PRKCB: variants seen among roughly 807,000 people sequenced by gnomAD.
PRKCB encodes the protein protein kinase C beta type.
PRKCB carries 13 observed loss-of-function variants against 81.5 expected under a neutral mutation model. That is an observed-to-expected ratio of 0.16 (90% CI 0.10 to 0.25). The LOEUF (loss-of-function observed/expected upper bound fraction) is 0.25, where lower values mean the gene tolerates loss of function less well. Among genes scored for constraint, PRKCB ranks in the 10% least tolerant of loss-of-function variants. The pLI is 1.00. For synonymous variants in PRKCB, 335 were observed against 321.4 expected (o/e 1.04, Z -0.45); for missense variants, 509 against 875.7 (o/e 0.58, Z 5.29).
At chr16:24,076,889 T>G (rs1256902494) in intron 5 of PRKCB, among the ~76,000 whole-genome samples, 1 of 152,130 alleles carries the variant, frequency 6.6e-6, no homozygotes, top group Non-Finnish European at 1.5e-5. Flanking sequence ...TTATAGATGG[T>G]CATCGGATTT....
chr16:24,148,062 C>G (rs1967021593), intron 9 of PRKCB, among the ~76,000 whole-genome samples: 2 of 152,144 alleles, frequency 1.3e-5, no homozygotes, highest in African/African-American at 2.4e-5. Context: ...AGATGGGAGT[C>G]AGCATCTGCA....
intron 5 of PRKCB, among the ~76,000 whole-genome samples, chr16:24,075,117 CAAA>C (rs35609342): frequency 5.5e-5 from 6 of 109,440 alleles, no homozygotes; most frequent in Admixed American, 9.1e-5. Context: ...GACCCTATCT[CAAA>C]AAAAAAAAAA....
At chr16:23,877,119 TG>T (rs1167226169) in intron 2 of PRKCB, among the ~76,000 whole-genome samples, 1 of 151,938 alleles carries the variant, frequency 6.6e-6, no homozygotes, top group Non-Finnish European at 1.5e-5. Context: ...ACACCAGAGA[TG>T]GGGTGAATAA....
At chr16:23,959,465 G>A (rs546537776) in intron 2 of PRKCB, among the ~76,000 whole-genome samples, 9 of 152,314 alleles carry the variant, frequency 5.9e-5, no homozygotes, top group Admixed American at 2.0e-4. Context: ...GTGAATGTAC[G>A]GTTGCTGCTT....
chr16:24,021,046 C>A (rs1371980424), intron 3 of PRKCB, among the ~76,000 whole-genome samples: 4 of 82,892 alleles, frequency 4.8e-5, no homozygotes, highest in African/African-American at 2.5e-4. Flanking sequence ...CTTTCTCTTT[C>A]TTTCTTTCTT....
chr16:24,194,130 C>G (rs919765724), intron 16 of PRKCB, among the ~76,000 whole-genome samples: 1 of 152,134 alleles, frequency 6.6e-6, no homozygotes, highest in East Asian at 1.9e-4. Flanking sequence ...AGTTCGAGAC[C>G]AGCCTGGCCA....
Position 24,112,663 on chromosome 16 carries a change from G to A in PRKCB, c.822-310G>A, listed in dbSNP as rs948566249. Among the ~76,000 whole-genome samples, 5 of 152,152 alleles carry A rather than the reference G, an allele frequency of 3.3e-5. 1 individual carries two copies. The highest frequency in any genetic ancestry group is 6.5e-5 in the Admixed American group (1 of 15,272). On this transcript the variant is annotated intron_variant, in intron 7 of 16. Transcript: ENST00000643927. ...AGGTAAAAATATACAGTAATTTAACGATATAACTAAGAAAACTGTGTAAGT... is the reference window on the plus strand; with the variant it reads ...AGGTAAAAATATACAGTAATTTAACAATATAACTAAGAAAACTGTGTAAGT...
intron 16 of PRKCB, among the ~76,000 whole-genome samples, chr16:24,211,853 C>T (rs1359529387): frequency 6.6e-6 from 1 of 152,152 alleles, no homozygotes; most frequent in East Asian, 1.9e-4. Flanking sequence ...AGCCACCGCG[C>T]CCGGCCCCAG....
At chr16:24,059,667 G>A (rs1053227669) in intron 5 of PRKCB, among the ~76,000 whole-genome samples, 2 of 151,894 alleles carry the variant, frequency 1.3e-5, no homozygotes, top group African/African-American at 2.4e-5. Flanking sequence ...ACCCTATCTC[G>A]AATAATAATT....
At chr16:24,022,290 G>C (rs930311863) in intron 3 of PRKCB, among the ~76,000 whole-genome samples, 65 of 152,014 alleles carry the variant, frequency 4.3e-4, no homozygotes, top group Non-Finnish European at 2.1e-4. Flanking sequence ...AATTCCTACA[G>C]GGTCCAGGCA....
chr16:23,858,384 G>T (rs1219242637), intron 2 of PRKCB, among the ~76,000 whole-genome samples: 1 of 152,178 alleles, frequency 6.6e-6, no homozygotes, highest in Non-Finnish European at 1.5e-5. Context: ...CCGTAAGAGT[G>T]TGGCAGAATG....
At chr16:24,125,900 G>A (rs867230007) in intron 9 of PRKCB, among the ~76,000 whole-genome samples, 12 of 152,200 alleles carry the variant, frequency 7.9e-5, no homozygotes, top group Non-Finnish European at 1.8e-4. Flanking sequence ...AGTCCCTAAG[G>A]TTGGGAATAG....
At chr16:23,992,716 A>C (rs1199931242) in intron 3 of PRKCB, among the ~76,000 whole-genome samples, 1 of 152,212 alleles carries the variant, frequency 6.6e-6, no homozygotes, top group Non-Finnish European at 1.5e-5. Context: ...AATTAAATGC[A>C]CAACCTCATC....
At chr16:24,093,059 C>A in intron 6 of PRKCB, 112 bp downstream of exon 6, 2 of 1,161,744 alleles carry the variant, frequency 1.7e-6, no homozygotes, top group Non-Finnish European at 2.4e-6. Flanking sequence ...CCCTACCTCC[C>A]TCCTTTTCTG....
intron 10 of PRKCB, among the ~76,000 whole-genome samples, chr16:24,155,194 C>A (rs1258508531): frequency 6.6e-6 from 1 of 152,158 alleles, no homozygotes; most frequent in Non-Finnish European, 1.5e-5. Context: ...TTCCATTCAG[C>A]CCTCTAGACC....
chr16:24,033,039 G>A (rs1965568531), intron 4 of PRKCB, among the ~76,000 whole-genome samples: 1 of 152,200 alleles, frequency 6.6e-6, no homozygotes, highest in Admixed American at 6.5e-5. Flanking sequence ...AAAGGCAGGT[G>A]GGGTAGGACT....
intron 9 of PRKCB, among the ~76,000 whole-genome samples, chr16:24,139,866 C>T (rs1966882886): frequency 6.6e-6 from 1 of 152,178 alleles, no homozygotes; most frequent in Non-Finnish European, 1.5e-5. Flanking sequence ...TTTCATCTGG[C>T]CAACGTGAAG....
At chr16:23,882,025 C>CTTTCTTTCTTTCTTTCTTT (rs1597226197) in intron 2 of PRKCB, among the ~76,000 whole-genome samples, 3 of 18,328 alleles carry the variant, frequency 1.6e-4, no homozygotes, top group African/African-American at 4.4e-4. Context: ...TTTCTTTCTT[C>CTTTCTTTCTTTCTTTCTTT]CTTCCTTCCT....
chr16:24,205,370 G>GTCTCAAACTCCTGA (rs1319406744), intron 16 of PRKCB, among the ~76,000 whole-genome samples: 2 of 151,650 alleles, frequency 1.3e-5, no homozygotes, highest in Non-Finnish European at 2.9e-5. Context: ...GCCCAGGCTG[G>GTCTCAAACTCCTGA]TCTCAAACTC....
Sources: gnomAD v4.1 joint callset for allele counts (sites outside exome capture counted in the v4.1 genomes callset) on GRCh38, gnomAD v4.1.1 for gene constraint, MANE v1.5 for transcripts, NCBI Gene and HGNC (gene_info 2026-07-23, HGNC 2026-07-21) for gene names.